The following CHD7 variants were observed in gnomAD, a reference collection of about 807,000 sequenced individuals.
CHD7 encodes chromodomain helicase DNA binding protein 7, also known as ATP-dependent chromatin remodeler CHD7.
Under a neutral mutation model 307.3 loss-of-function variants are expected in CHD7, and 24 were observed. The observed-to-expected ratio is 0.08, with a 90% confidence interval of 0.06 to 0.11. The LOEUF (loss-of-function observed/expected upper bound fraction) is 0.11, where lower values mean the gene tolerates loss of function less well. CHD7 is among the 10% of genes least tolerant of loss of function. The pLI is 1.00. For missense variants in CHD7, 3,106 were observed against 3,727.1 expected, an observed-to-expected ratio of 0.83 and a Z score of 4.34; for synonymous variants, 1,363 against 1,349.9, an observed-to-expected ratio of 1.01 and a Z score of -0.21.
chr8:60,858,913 C>T (rs13256570), intron 34 of CHD7, among the ~76,000 whole-genome samples: 21,196 of 152,184 alleles, frequency 0.14, 3,171 homozygotes, highest in African/African-American at 0.38. Flanking sequence ...ATTTGGATCA[C>T]GACACAGCTT....
At position 60,865,793 on chromosome 8, in the gene CHD7, A is replaced by G. The variant is rs1398254316; in HGVS notation, c.8854A>G (p.Thr2952Ala). ...GGGAGGACCCTTTAAAGATGGAGAGACCCTTGAAGGCAGCGATGCCGAGGA... is the reference window on the plus strand; with the variant it reads ...GGGAGGACCCTTTAAAGATGGAGAGGCCCTTGAAGGCAGCGATGCCGAGGA... Reference protein sequence around the residue: ...AEGGPFKDGETLEGSDAEESL... With the variant: ...AEGGPFKDGEALEGSDAEESL... The change falls in exon 38 of 38, where the codon ACC (threonine) becomes GCC (alanine). Residue 2952 changes from threonine (T) to alanine (A), a missense_variant. By Grantham distance (58) the Thr-to-Ala change is moderately conservative (BLOSUM62 0). Around this residue, in one of 10 missense-constraint regions of CHD7, gnomAD observed 351 missense variants for 366.2 expected, o/e 0.96. Transcript: ENST00000423902. The surrounding 1 kb of genome is among the most constrained non-coding windows in gnomAD (Gnocchi z 4.3). 1.2e-6 allele frequency: 2 copies of G among 1,613,974 alleles called. No individual in the cohort carries two copies. The highest frequency in any genetic ancestry group is 1.7e-6 in the Non-Finnish European group (2 of 1,179,890).
At chr8:60,811,705 G>A (rs1033463622) in intron 7 of CHD7, among the ~76,000 whole-genome samples, 5 of 152,054 alleles carry the variant, frequency 3.3e-5, no homozygotes, top group African/African-American at 9.7e-5. Flanking sequence ...CCGGAAGTGA[G>A]TTTACTAGAT....
At position 60,781,203 on chromosome 8, in the gene CHD7, G is replaced by A. The variant is rs1811209519; in HGVS notation, c.1869G>A (p.Gly623=). 6.3e-7 allele frequency: 1 copy of A among 1,599,370 alleles called. No homozygotes were observed. Among genetic ancestry groups the A allele is most frequent in the Non-Finnish European group, 8.5e-7 (1 of 1,172,728 alleles). The part of the protein sequence containing the change: ...KGFGKDDFPG[G]VDNQELNRNS... ...TTGGTAAAGATGACTTCCCTGGTGGGGTAGATAACCAAGAACTAAATAGGA... is the reference window on the plus strand; with the variant it reads ...TTGGTAAAGATGACTTCCCTGGTGGAGTAGATAACCAAGAACTAAATAGGA... The change falls in exon 3 of 38, where the codon GGG becomes GGA. Residue 623 remains glycine, a synonymous_variant. Coordinates refer to ENST00000423902, the MANE Select transcript of CHD7 (RefSeq NM_017780.4).
chr8:60,734,976 A>C (rs781680824), intron 1 of CHD7, among the ~76,000 whole-genome samples: 4 of 152,246 alleles, frequency 2.6e-5, no homozygotes, highest in Non-Finnish European at 5.9e-5. Flanking sequence ...TCACTAAACC[A>C]TGAAGGTCTG....
intron 32 of CHD7, 92 bp downstream of exon 32, chr8:60,854,615 G>A: frequency 8.3e-7 from 1 of 1,198,440 alleles, no homozygotes; most frequent in Non-Finnish European, 1.1e-6. Flanking sequence ...TAATTTTAAG[G>A]TAAACTTTTG....
In CHD7 at chr8:60,860,966, T is replaced by C. The variant is rs1805942043; in HGVS notation, c.7671T>C (p.Ile2557=). 1 of 1,613,982 alleles carries C rather than the reference T, an allele frequency of 6.2e-7. No individual in the cohort carries two copies. Among genetic ancestry groups the C allele is most frequent in the Admixed American group, 1.7e-5 (1 of 60,020 alleles). ...TAGAGACCCCACCAACAAGAAACATTCCTTCTCCCGGACAGCTGGACCCAG... is the reference window on the plus strand; with the variant it reads ...TAGAGACCCCACCAACAAGAAACATCCCTTCTCCCGGACAGCTGGACCCAG... ...EDIETPPTRN[I]PSPGQLDPDT... The change falls in exon 35 of 38, where the codon ATT becomes ATC. Residue 2557 remains isoleucine (I), a synonymous_variant. Coordinates refer to ENST00000423902, the MANE Select transcript of CHD7 (RefSeq NM_017780.4).
At chr8:60,857,202 C>T (rs1228938332) in intron 34 of CHD7, among the ~76,000 whole-genome samples, 1 of 152,230 alleles carries the variant, frequency 6.6e-6, no homozygotes, top group East Asian at 1.9e-4. Context: ...TGAGGTGGAA[C>T]AAGTTTCATT....
At position 60,759,845 on chromosome 8, in the gene CHD7, C is replaced by T. The variant is rs145897872; in HGVS notation, c.1665+16748C>T. On this transcript the variant is annotated intron_variant, in intron 2 of 37. Coordinates refer to ENST00000423902, the MANE Select transcript of CHD7 (RefSeq NM_017780.4). ...GCTATGTAGGGTGAGTCTTGGAGGA[C>T]GGCTGGGTCTTATTGAGGTCATTCA... is the stretch of plus-strand genomic sequence containing the variant. Among the ~76,000 whole-genome samples the T allele has an allele frequency of 3.9e-4, 59 of 152,244 alleles. 1 individual carries two copies. In the East Asian group the frequency reaches 9.4e-3, roughly 24 times the overall value.
At chr8:60,830,716 C>T (rs541850124) in intron 15 of CHD7, 139 bp downstream of exon 15, 1 of 928,784 alleles carries the variant, frequency 1.1e-6, no homozygotes, top group South Asian at 1.8e-5. Flanking sequence ...ACCAGCTTCC[C>T]ACTTTCTGTG....
chr8:60,861,239 C>G, intron 35 of CHD7, 114 bp downstream of exon 35: 1 of 768,540 alleles, frequency 1.3e-6, no homozygotes, highest in South Asian at 2.0e-5. Context: ...TTGAATGTTT[C>G]CTGGTCTCAA....
chr8:60,765,212 C>CACACACACACGCACACGCAT (rs1810408019), intron 2 of CHD7, among the ~76,000 whole-genome samples: 2 of 9,782 alleles, frequency 2.0e-4, no homozygotes, highest in South Asian at 0.025. Flanking sequence ...CATACACACA[C>CACACACACACGCACACGCAT]ACACACACAC....
intron 8 of CHD7, among the ~76,000 whole-genome samples, chr8:60,817,123 T>A (rs1803786851): frequency 6.6e-6 from 1 of 152,214 alleles, no homozygotes; most frequent in Non-Finnish European, 1.5e-5. Context: ...TTACATTTTT[T>A]AAAAAGTGCT....
intron 2 of CHD7, among the ~76,000 whole-genome samples, chr8:60,771,369 G>A (rs1412468770): frequency 6.6e-6 from 1 of 152,144 alleles, no homozygotes; most frequent in Non-Finnish European, 1.5e-5. Flanking sequence ...TGGAATATTT[G>A]CATTATGCTT....
At chr8:60,732,463 G>A (rs867726895) in intron 1 of CHD7, among the ~76,000 whole-genome samples, 4 of 152,142 alleles carry the variant, frequency 2.6e-5, no homozygotes, top group Admixed American at 6.5e-5. Context: ...TGATTGCCAC[G>A]GGGTCCCCAG....
chr8:60,843,832 A>G (rs1805077974), intron 21 of CHD7, among the ~76,000 whole-genome samples: 1 of 152,220 alleles, frequency 6.6e-6, no homozygotes, highest in Non-Finnish European at 1.5e-5. Flanking sequence ...GAAGTGAGGT[A>G]CCGGCAGATA....
At chr8:60,861,214 C>T (rs1182615132) in intron 35 of CHD7, 89 bp downstream of exon 35, 12 of 978,470 alleles carry the variant, frequency 1.2e-5, no homozygotes, top group Non-Finnish European at 1.8e-5. Flanking sequence ...GACAGCTGGT[C>T]CCTCTGCCTT....
chr8:60,717,984 A>T (rs1375444966), intron 1 of CHD7, among the ~76,000 whole-genome samples: 1 of 152,110 alleles, frequency 6.6e-6, no homozygotes, highest in Non-Finnish European at 1.5e-5. Context: ...TAACTGTAAA[A>T]CATCTTCAGG....
chr8:60,781,024 G>C lies in CHD7; in HGVS notation c.1690G>C (p.Glu564Gln). 15 of 1,575,892 alleles carry C rather than the reference G, an allele frequency of 9.5e-6. No homozygotes were observed. The highest frequency in any genetic ancestry group is 1.3e-5 in the Non-Finnish European group (15 of 1,165,446). ...HQHSPSEPFL[E>Q]KPVPDMTQVS... Reference sequence around the variant, plus strand: ...GCATTCCCCGTCGGAGCCCTTTCTAGAGAAACCAGTGCCGGATATGACTCA... The same window carrying C: ...GCATTCCCCGTCGGAGCCCTTTCTACAGAAACCAGTGCCGGATATGACTCA... Residue 564 changes from glutamate (E) to glutamine (Q), a missense_variant, in exon 3 of 38, where the codon GAG becomes CAG. By Grantham distance (29) the Glu-to-Gln change is conservative. Coordinates refer to ENST00000423902, the MANE Select transcript of CHD7 (RefSeq NM_017780.4).
rs79169822 is a variant in CHD7, at chr8:60,713,797, C to T, written c.-174-27462C>T. On this transcript the variant is annotated intron_variant, in intron 1 of 37. Coordinates refer to ENST00000423902, the MANE Select transcript of CHD7 (RefSeq NM_017780.4). ...CCACTGGGATCTAAGTGACCTTTCC[C>T]ACAAGACCAGGTCTTGTCACTTCTC... Among the ~76,000 whole-genome samples, 376 of 152,202 alleles carry T rather than the reference C, an allele frequency of 2.5e-3. 2 individuals carry two copies. Among genetic ancestry groups the T allele is most frequent in the African/African-American group, 8.7e-3 (360 of 41,528 alleles).
Sources: allele counts gnomAD v4.1 joint callset (sites outside exome capture counted in the v4.1 genomes callset), GRCh38; gene constraint gnomAD v4.1.1; regional missense constraint gnomAD v4.1.1; non-coding constraint Gnocchi (gnomAD v3.1); transcripts MANE v1.5; gene names NCBI Gene and HGNC (gene_info 2026-07-23, HGNC 2026-07-21).